The following NDC1 variants were observed in gnomAD, a reference collection of about 807,000 sequenced individuals.
NDC1 encodes nucleoporin NDC1.
A neutral mutation model predicts 89.8 loss-of-function variants in NDC1; 24 were observed. The observed-to-expected ratio is 0.27, with a 90% CI of 0.19 to 0.38. NDC1 has a LOEUF of 0.38. NDC1 is among the 10% of genes least tolerant of loss of function. NDC1 has a pLI of 1.00. For synonymous variants in NDC1, 296 were observed against 284.8 expected, an observed-to-expected ratio of 1.04 and a Z score of -0.39; for missense variants, 728 against 797.6, an observed-to-expected ratio of 0.91 and a Z score of 1.05.
rs547377162 is a variant in NDC1 at position 53,796,959 on chromosome 1, C to G, written c.1408G>C (p.Gly470Arg). Residue 470 changes from glycine (G) to arginine (R), a missense_variant, in exon 12 of 18, where the codon GGG becomes CGG. Gly to Arg is a moderately radical substitution (Grantham distance 125). Transcript: ENST00000371429. ...AGIFDVNTCY[G>R]SPQSPQLIRR... Reference sequence around the variant, plus strand: ...ATTAGCTGAGGACTTTGCGGTGACCCATAGCAGGTGTTTACATCAAAAATT... The same window carrying G: ...ATTAGCTGAGGACTTTGCGGTGACCGATAGCAGGTGTTTACATCAAAAATT... The G allele has an allele frequency of 6.2e-7, 1 of 1,614,158 alleles. No individual in the cohort carries two copies.
chr1:53,793,870 C>T (rs1190056837), intron 13 of NDC1, among the ~76,000 whole-genome samples: 80 of 152,094 alleles, frequency 5.3e-4, no homozygotes, highest in Non-Finnish European at 4.4e-5. Context: ...GGATTACAGA[C>T]TGGAGATATT....
intron 4 of NDC1, 106 bp from the exon 5 acceptor site, chr1:53,826,042 G>A (rs1259592745): frequency 1.8e-6 from 2 of 1,118,844 alleles, no homozygotes; most frequent in African/African-American, 1.6e-5. Flanking sequence ...AATGACTTAA[G>A]AAATGTCCCA....
chr1:53,787,428 C>T (rs1235731397), intron 15 of NDC1, among the ~76,000 whole-genome samples, 170 bp from the exon 16 acceptor site: 1 of 151,962 alleles, frequency 6.6e-6, no homozygotes, highest in Non-Finnish European at 1.5e-5. Flanking sequence ...GCAGGCAGAT[C>T]GCTTGAGCCC....
At chr1:53,776,146 G>A (rs1330586718) in intron 16 of NDC1, among the ~76,000 whole-genome samples, 6 of 151,598 alleles carry the variant, frequency 4.0e-5, no homozygotes, top group African/African-American at 7.3e-5. Flanking sequence ...TAGTAGAGAC[G>A]GGGTCTCACC....
intron 10 of NDC1, among the ~76,000 whole-genome samples, chr1:53,803,549 T>C (rs1647993212): frequency 6.6e-6 from 1 of 151,924 alleles, no homozygotes; most frequent in African/African-American, 2.4e-5. Context: ...TACATCTTTC[T>C]CACCAAAAAC....
intron 7 of NDC1, among the ~76,000 whole-genome samples, chr1:53,808,837 G>C (rs1245111973): frequency 4.6e-5 from 7 of 152,124 alleles, no homozygotes; most frequent in Admixed American, 4.6e-4. Context: ...TAGAAACTTT[G>C]AAAAGTGAGA....
In NDC1 at chr1:53,807,762, C is replaced by T. The variant is rs1361343346; in HGVS notation, c.785G>A (p.Ser262Asn). The change falls in exon 8 of 18, where the codon AGT becomes AAT. Residue 262 changes from serine (S) to asparagine (N), a missense_variant. Ser to Asn is a conservative substitution (Grantham distance 46). Transcript: ENST00000371429. Reference sequence around the variant, plus strand: ...GAGTAACGAGAGATTTAAGAGGCCACTCACTGTGTCAAGTGGCCTATGAAC... The same window carrying T: ...GAGTAACGAGAGATTTAAGAGGCCATTCACTGTGTCAAGTGGCCTATGAAC... ...EQVHRPLDTV[S>N]GLLNLSLLYH... 1.2e-6 allele frequency: 2 copies of T among 1,613,208 alleles called. No homozygotes were observed. The highest frequency in any genetic ancestry group is 1.7e-6 in the Non-Finnish European group (2 of 1,179,744).
chr1:53,825,730 T>C (rs1648831835), intron 5 of NDC1, 68 bp downstream of exon 5: 6 of 1,295,658 alleles, frequency 4.6e-6, no homozygotes, highest in South Asian at 1.6e-5. Flanking sequence ...TCCAGTTATA[T>C]ACATATGCAC....
chr1:53,790,278 T>A (rs1389703946), intron 14 of NDC1, among the ~76,000 whole-genome samples: 1 of 149,638 alleles, frequency 6.7e-6, no homozygotes, highest in Non-Finnish European at 1.5e-5. Flanking sequence ...GGCAGGAGAA[T>A]CACTTGAACC....
rs981010218 is a variant in NDC1 at position 53,838,135 on chromosome 1, C to A, written c.57+70G>T. On this transcript the variant is annotated intron_variant, in intron 1 of 17. Coordinates refer to ENST00000371429, the MANE Select transcript of NDC1 (RefSeq NM_018087.5). ...GACCGGCCCTCCCCCGCCCAGCGCG[C>A]ACGCGCGATCAGAGCTTGCCCGCCC... 3 of 1,437,952 alleles carry A rather than the reference C, an allele frequency of 2.1e-6. No individual in the cohort carries two copies. The Admixed American group carries it at 6.2e-5, about 30-fold the overall frequency. The allele number at this position is 1,437,952 out of a possible 1,614,324, so 89.1% of individuals were successfully genotyped here. A position where few individuals can be genotyped will look rare whatever the true frequency, so the allele number is the denominator to read the frequency against.
At chr1:53,830,011 C>G (rs1344931700) in intron 3 of NDC1, among the ~76,000 whole-genome samples, 1 of 151,718 alleles carries the variant, frequency 6.6e-6, no homozygotes, top group Admixed American at 6.6e-5. Flanking sequence ...AATAGACGGG[C>G]GAGGTGGCAG....
At position 53,796,783 on chromosome 1, in the gene NDC1, G is replaced by A; in HGVS notation, c.1490C>T (p.Ser497Phe). ...AATAGAGGTAGATGGAGAAGGATTAGAAAATTCAGTCATTTGCTGATCTAT... is the reference window on the plus strand; with the variant it reads ...AATAGAGGTAGATGGAGAAGGATTAAAAAATTCAGTCATTTGCTGATCTAT... ...SASDQQMTEF[S>F]NPSPSTSISA... Residue 497 changes from serine to phenylalanine, a missense_variant, in exon 13 of 18, where the codon TCT (serine) becomes TTT (phenylalanine). Ser to Phe is a radical substitution (Grantham distance 155, BLOSUM62 -2). Transcript: ENST00000371429. The A allele has an allele frequency of 6.2e-7, 1 of 1,610,422 alleles. No homozygotes were observed. Among genetic ancestry groups the A allele is most frequent in the Non-Finnish European group, 8.5e-7 (1 of 1,179,146 alleles).
Position 53,797,063 on chromosome 1 carries a change from G to T in NDC1, c.1304C>A (p.Ser435Tyr). 6.2e-7 allele frequency: 1 copy of T among 1,613,998 alleles called. No homozygotes were observed. The highest frequency in any genetic ancestry group is 8.5e-7 in the Non-Finnish European group (1 of 1,179,978). Residue 435 changes from serine to tyrosine, a missense_variant, in exon 12 of 18, where the codon TCT (serine) becomes TAT (tyrosine). Transcript: ENST00000371429. ...AACATCAGGTGTAGATAATTTTGAA[G>T]AAAACAGTGATGTTTTAACTAATGG... Reference protein sequence around the residue: ...VPPLVKTSLFSSKLSTPDVVS... With the variant: ...VPPLVKTSLFYSKLSTPDVVS...
At chr1:53,832,613 T>A in intron 2 of NDC1, 22 bp from the exon 3 acceptor site, 1 of 1,244,536 alleles carries the variant, frequency 8.0e-7, no homozygotes, top group Non-Finnish European at 1.2e-6. Flanking sequence ...GAGAGATGAA[T>A]TAGTAAAGGT....
chr1:53,781,990 C>T (rs553661414), intron 16 of NDC1, among the ~76,000 whole-genome samples: 6 of 152,062 alleles, frequency 3.9e-5, no homozygotes, highest in African/African-American at 1.2e-4. Flanking sequence ...GGAATAGAGG[C>T]GAGACAAAGT....
Position 53,819,037 on chromosome 1 carries a change from C to A in NDC1, c.637G>T (p.Val213Phe). The A allele has an allele frequency of 6.3e-7, 1 of 1,581,172 alleles. No homozygotes were observed. Among genetic ancestry groups the A allele is most frequent in the South Asian group, 1.2e-5 (1 of 84,418 alleles). ...AGTGATTCCACACAACTGTGTTTAA[C>A]TAATAAGAGCAGAGATCTCCTAAAA... Reference protein sequence around the residue: ...LRFRRSLLLLVKHSCVESLFL... With the variant: ...LRFRRSLLLLFKHSCVESLFL... The change falls in exon 6 of 18, where the codon GTT (valine) becomes TTT (phenylalanine). Residue 213 changes from valine (V) to phenylalanine (F), a missense_variant. Physicochemically the swap from Val to Phe is conservative, Grantham distance 50. Coordinates refer to ENST00000371429, the MANE Select transcript of NDC1 (RefSeq NM_018087.5).
At chr1:53,775,064 A>G (rs533630569) in intron 16 of NDC1, among the ~76,000 whole-genome samples, 4 of 152,322 alleles carry the variant, frequency 2.6e-5, no homozygotes, top group Admixed American at 2.6e-4. Flanking sequence ...TCTGGAATAT[A>G]TCCATCTTGT....
chr1:53,812,137 C>T (rs569362801), intron 6 of NDC1, among the ~76,000 whole-genome samples: 1 of 152,178 alleles, frequency 6.6e-6, no homozygotes, highest in Non-Finnish European at 1.5e-5. Flanking sequence ...TTCCCTCTGA[C>T]AGAGCCTACC....
chr1:53,787,280 G>T (rs1174007109), intron 15 of NDC1, 22 bp from the exon 16 acceptor site: 2 of 1,353,540 alleles, frequency 1.5e-6, no homozygotes. Flanking sequence ...AAAAAAAAAG[G>T]TTAAAAGTCA....
Sources: allele counts gnomAD v4.1 joint callset (sites outside exome capture counted in the v4.1 genomes callset), GRCh38; gene constraint gnomAD v4.1.1; transcripts MANE v1.5; gene names NCBI Gene and HGNC (gene_info 2026-07-23, HGNC 2026-07-21).